NEBL: variants seen among roughly 807,000 people sequenced by gnomAD.
NEBL encodes nebulette.
Under a neutral mutation model 140.2 loss-of-function variants are expected in NEBL, and 122 were observed. That is an observed-to-expected ratio of 0.87 (90% CI 0.75 to 1.01). NEBL has a LOEUF of 1.01. NEBL is among the 50% of genes least tolerant of loss of function. The probability of loss-of-function intolerance (pLI) is 0.00; values close to 1 mark genes in which losing one functional copy is unlikely to be tolerated. For missense variants in NEBL, 1,365 were observed against 1,231.3 expected (o/e 1.11, Z -1.62); for synonymous variants, 436 against 398.9 (o/e 1.09, Z -1.11).
At chr10:21,287,784 T>C (rs940625057) in intron 1 of NEBL, among the ~76,000 whole-genome samples, 12 of 151,980 alleles carry the variant, frequency 7.9e-5, no homozygotes, top group African/African-American at 2.7e-4. Context: ...CGACATTCTC[T>C]CAACAACAAC....
chr10:21,025,461 G>A (rs1226955016), intron 2 of NEBL, among the ~76,000 whole-genome samples: 3 of 152,166 alleles, frequency 2.0e-5, no homozygotes, highest in African/African-American at 7.2e-5. Flanking sequence ...GTAAAGTTAG[G>A]TCACAGAAAG....
At chr10:21,268,863 G>C (rs984585041) in intron 1 of NEBL, among the ~76,000 whole-genome samples, 1 of 152,174 alleles carries the variant, frequency 6.6e-6, no homozygotes, top group Non-Finnish European at 1.5e-5. Context: ...TTGGAAACAA[G>C]AAGATAGGGT....
chr10:21,076,958 C>T (rs1194808885), intron 2 of NEBL, among the ~76,000 whole-genome samples: 3 of 151,882 alleles, frequency 2.0e-5, no homozygotes, highest in Non-Finnish European at 4.4e-5. Context: ...TTGGGGAAGA[C>T]GAAAAAGTTC....
chr10:21,020,564 C>T (rs549453529), intron 2 of NEBL, among the ~76,000 whole-genome samples: 9 of 152,318 alleles, frequency 5.9e-5, no homozygotes, highest in African/African-American at 2.2e-4. Context: ...AGCCTCACCT[C>T]ACAGTGCCTG....
rs1427758049 is a variant in NEBL, at chr10:20,815,711, A to C, written c.2155T>G (p.Tyr719Asp). 5 of 1,594,578 alleles carry C rather than the reference A, an allele frequency of 3.1e-6. No individual in the cohort carries two copies. The highest frequency in any genetic ancestry group is 4.3e-6 in the Non-Finnish European group (5 of 1,162,398). Residue 719 changes from tyrosine to aspartate, a missense_variant, in exon 22 of 28, where the codon TAC becomes GAC. Physicochemically the swap from Tyr to Asp is radical, Grantham distance 160. Coordinates refer to ENST00000377122, the MANE Select transcript of NEBL (RefSeq NM_006393.3). ...GTAGCTCTTCCCAGCTGACCTCTGT[A>C]ATAAACCTATCATTTCAGAGAACAA... ...ENQKNISNVY[Y>D]RGQLGRATTL...
chr10:20,817,593 A>G lies in NEBL; in HGVS notation c.2148+7T>C. 6.2e-7 allele frequency: 1 copy of G among 1,602,224 alleles called. No individual in the cohort carries two copies. Among genetic ancestry groups the G allele is most frequent in the Non-Finnish European group, 8.6e-7 (1 of 1,169,190 alleles). ...GTGTAAGAAAAAAGTTACTAAGATG[A>G]TCACACATTGCTGATGTTTTTCTGG... On this transcript the variant is annotated splice_region_variant and intron_variant, in intron 21 of 27. Transcript: ENST00000377122.
chr10:21,044,741 G>A (rs1367824814), intron 2 of NEBL, among the ~76,000 whole-genome samples: 1 of 152,110 alleles, frequency 6.6e-6, no homozygotes, highest in East Asian at 1.9e-4. Context: ...TGCTCCGTAA[G>A]CTCTTCTCCA....
intron 1 of NEBL, among the ~76,000 whole-genome samples, chr10:21,254,067 A>C (rs1842623631): frequency 6.6e-6 from 1 of 152,250 alleles, no homozygotes; most frequent in African/African-American, 2.4e-5. Context: ...GTAACATTTA[A>C]ATGTCTTATG....
chr10:20,805,218 G>A (rs1241186912), intron 26 of NEBL, among the ~76,000 whole-genome samples: 1 of 152,184 alleles, frequency 6.6e-6, no homozygotes, highest in Non-Finnish European at 1.5e-5. Context: ...GATTTCTGCA[G>A]GGAAGGGGGA....
intron 3 of NEBL, among the ~76,000 whole-genome samples, chr10:21,000,931 C>A (rs1394241096): frequency 6.6e-6 from 1 of 152,120 alleles, no homozygotes; most frequent in African/African-American, 2.4e-5. Context: ...GGAAGAAGCC[C>A]AGATAGAGCT....
At chr10:20,973,247 C>CTTTT (rs201974015) in intron 3 of NEBL, among the ~76,000 whole-genome samples, 1 of 139,396 alleles carries the variant, frequency 7.2e-6, no homozygotes, top group African/African-American at 2.6e-5. Context: ...TTACCTTTTT[C>CTTTT]TTTTTTTTTT....
At chr10:21,280,351 C>T (rs532360928) in intron 1 of NEBL, among the ~76,000 whole-genome samples, 1 of 152,278 alleles carries the variant, frequency 6.6e-6, no homozygotes, top group African/African-American at 2.4e-5. Context: ...GAGTTTATAC[C>T]ACTGCCCTAG....
At chr10:21,235,487 G>A (rs1842336028) in intron 3 of NEBL, among the ~76,000 whole-genome samples, 1 of 152,112 alleles carries the variant, frequency 6.6e-6, no homozygotes, top group African/African-American at 2.4e-5. Flanking sequence ...GCTAATTTTT[G>A]TATTGTTGGT....
chr10:21,113,408 T>A, intron 2 of NEBL: 2 of 423,916 alleles, frequency 4.7e-6, no homozygotes, highest in South Asian at 3.8e-5. Flanking sequence ...CTTCCCAAAG[T>A]GGAAGCCAAG....
At chr10:21,128,460 G>A (rs1838942970) in intron 2 of NEBL, among the ~76,000 whole-genome samples, 1 of 151,992 alleles carries the variant, frequency 6.6e-6, no homozygotes, top group South Asian at 2.1e-4. Flanking sequence ...TGATATGGAA[G>A]GAATGACACA....
At chr10:21,215,680 A>G (rs1374953053) in intron 3 of NEBL, among the ~76,000 whole-genome samples, 7 of 151,994 alleles carry the variant, frequency 4.6e-5, no homozygotes, top group Non-Finnish European at 5.9e-5. Flanking sequence ...TTTGTTTTTG[A>G]GACAGGGTCT....
At chr10:21,051,342 G>C (rs926666483) in intron 2 of NEBL, among the ~76,000 whole-genome samples, 3 of 152,220 alleles carry the variant, frequency 2.0e-5, no homozygotes, top group Admixed American at 1.3e-4. Context: ...ACAATGTGTA[G>C]AGATGTAATT....
intron 26 of NEBL, among the ~76,000 whole-genome samples, chr10:20,801,969 G>A (rs1469293562): frequency 6.6e-6 from 1 of 152,160 alleles, no homozygotes; most frequent in Non-Finnish European, 1.5e-5. Flanking sequence ...AGGCCACGAG[G>A]TTGGAAAGCT....
chr10:20,828,405 AGATAATACACTT>A (rs1840089830), intron 17 of NEBL, 113 bp downstream of exon 17: 5 of 648,926 alleles, frequency 7.7e-6, no homozygotes, highest in Non-Finnish European at 1.4e-5. Context: ...AAAGAAATAA[AGATAATACACTT>A]GACAGAAAAT....
Sources: allele counts gnomAD v4.1 joint callset (sites outside exome capture counted in the v4.1 genomes callset), GRCh38; gene constraint gnomAD v4.1.1; transcripts MANE v1.5; gene names NCBI Gene and HGNC (gene_info 2026-07-23, HGNC 2026-07-21).